The following UBE2E2 variants were observed in gnomAD, a reference collection of about 807,000 sequenced individuals.
UBE2E2 encodes the protein ubiquitin conjugating enzyme E2 E2.
A neutral mutation model predicts 24.7 loss-of-function variants in UBE2E2; 6 were observed. The ratio of observed to expected loss-of-function variants is 0.24; its 90% CI spans 0.13 to 0.48. The LOEUF (loss-of-function observed/expected upper bound fraction) is 0.48, where lower values mean the gene tolerates loss of function less well. Ranked by LOEUF, UBE2E2 falls within the 20% of genes least tolerant of loss-of-function variation. The pLI is 0.99. For synonymous variants in UBE2E2, 104 were observed against 83.6 expected (o/e 1.24, Z -1.33); for missense variants, 169 against 245.0 (o/e 0.69, Z 2.07).
intron 3 of UBE2E2, among the ~76,000 whole-genome samples, chr3:23,427,990 C>T (rs914399051): frequency 6.6e-6 from 1 of 152,120 alleles, no homozygotes; most frequent in Non-Finnish European, 1.5e-5. Flanking sequence ...TTCAGGACCC[C>T]CTCTATCAGA....
chr3:23,484,987 A>T (rs1471096363), intron 3 of UBE2E2, among the ~76,000 whole-genome samples: 2 of 152,160 alleles, frequency 1.3e-5, no homozygotes. Flanking sequence ...GTAACTACTG[A>T]AAATAAGTCT....
chr3:23,327,165 T>G (rs1694923447), intron 3 of UBE2E2, among the ~76,000 whole-genome samples: 4 of 152,194 alleles, frequency 2.6e-5, no homozygotes, highest in Admixed American at 2.6e-4. Context: ...GCAGCATGAT[T>G]TATAATCCTT....
intron 4 of UBE2E2, among the ~76,000 whole-genome samples, chr3:23,522,602 CCT>C (rs1694895553): frequency 6.6e-6 from 1 of 151,772 alleles, no homozygotes; most frequent in Non-Finnish European, 1.5e-5. Context: ...GAGAAGGAAA[CCT>C]CTATATGCAT....
chr3:23,524,865 GACAC>G lies in UBE2E2; in HGVS notation c.361-7664_361-7661del, dbSNP rs59806964. Among the ~76,000 whole-genome samples, 97 of 147,514 alleles carry G rather than the reference GACAC, an allele frequency of 6.6e-4. 1 individual carries two copies. The highest frequency in any genetic ancestry group is 2.8e-3 in the South Asian group (13 of 4,618). On this transcript the variant is annotated intron_variant, in intron 4 of 5. Transcript: ENST00000396703. ...AGATACAGATACACACAGACACACA[GACAC>G]ACACACACACACACACACACACACG...
At chr3:23,429,202 G>T (rs1697999520) in intron 3 of UBE2E2, among the ~76,000 whole-genome samples, 1 of 152,088 alleles carries the variant, frequency 6.6e-6, no homozygotes, top group South Asian at 2.1e-4. Flanking sequence ...AGTGAATTCT[G>T]TACATTAAAG....
intron 3 of UBE2E2, among the ~76,000 whole-genome samples, chr3:23,469,042 T>G (rs1006955574): frequency 7.9e-5 from 12 of 152,192 alleles, no homozygotes; most frequent in Non-Finnish European, 1.5e-5. Context: ...CAAAGTACCA[T>G]GGACTGAGTG....
At chr3:23,441,010 C>T (rs967168269) in intron 3 of UBE2E2, among the ~76,000 whole-genome samples, 1 of 152,128 alleles carries the variant, frequency 6.6e-6, no homozygotes, top group African/African-American at 2.4e-5. Flanking sequence ...TTGCCACTGA[C>T]ATTTTAGTTA....
chr3:23,553,626 T>C (rs560575660), intron 5 of UBE2E2, among the ~76,000 whole-genome samples: 2 of 152,314 alleles, frequency 1.3e-5, no homozygotes, highest in East Asian at 1.9e-4. Flanking sequence ...ACAATAGTTA[T>C]TTGCATTTTT....
intron 3 of UBE2E2, among the ~76,000 whole-genome samples, chr3:23,486,239 G>C (rs1699367432): frequency 6.6e-6 from 1 of 152,148 alleles, no homozygotes; most frequent in South Asian, 2.1e-4. Context: ...ACAGGTGCCA[G>C]CTCCGTGCAA....
intron 5 of UBE2E2, among the ~76,000 whole-genome samples, chr3:23,553,271 A>G (rs1472336221): frequency 1.3e-5 from 2 of 152,110 alleles, no homozygotes; most frequent in Non-Finnish European, 2.9e-5. Flanking sequence ...AAAATGCTAT[A>G]TTAAGAATCA....
intron 2 of UBE2E2, among the ~76,000 whole-genome samples, chr3:23,214,441 G>A (rs1251022481): frequency 6.6e-6 from 1 of 151,712 alleles, no homozygotes; most frequent in Non-Finnish European, 1.5e-5. Flanking sequence ...TTTTGTAGAG[G>A]AGTCTCACTG....
intron 2 of UBE2E2, among the ~76,000 whole-genome samples, chr3:23,215,797 G>T (rs1446885787): frequency 1.3e-5 from 2 of 152,180 alleles, no homozygotes; most frequent in Admixed American, 6.6e-5. Context: ...GTGAAAGTGT[G>T]TGTGCCTAGT....
intron 3 of UBE2E2, among the ~76,000 whole-genome samples, chr3:23,260,957 C>T (rs912932289): frequency 3.3e-5 from 5 of 151,870 alleles, no homozygotes; most frequent in Non-Finnish European, 5.9e-5. Flanking sequence ...ACAAAAATTA[C>T]CTGGGCGTGG....
chr3:23,528,468 C>A (rs1308043278), intron 4 of UBE2E2, among the ~76,000 whole-genome samples: 1 of 150,520 alleles, frequency 6.6e-6, no homozygotes, highest in African/African-American at 2.5e-5. Flanking sequence ...GCCAGCAGCA[C>A]CCCGAGAGTG....
chr3:23,551,561 T>A (rs887238924), intron 5 of UBE2E2, among the ~76,000 whole-genome samples: 1 of 152,186 alleles, frequency 6.6e-6, no homozygotes, highest in Non-Finnish European at 1.5e-5. Flanking sequence ...TCTAAAGAAA[T>A]GTGAGTGGGA....
chr3:23,237,941 T>G (rs1329096084), intron 3 of UBE2E2, among the ~76,000 whole-genome samples: 1 of 152,176 alleles, frequency 6.6e-6, no homozygotes, highest in Non-Finnish European at 1.5e-5. Flanking sequence ...AGGGGAAATT[T>G]TTTTTTAGTG....
intron 3 of UBE2E2, among the ~76,000 whole-genome samples, chr3:23,263,459 C>A (rs1697956868): frequency 6.6e-6 from 1 of 152,116 alleles, no homozygotes; most frequent in Admixed American, 6.5e-5. Flanking sequence ...TTGATACTTA[C>A]CTATTCTGAC....
chr3:23,227,292 A>G (rs1277253033), intron 3 of UBE2E2, among the ~76,000 whole-genome samples: 1 of 151,940 alleles, frequency 6.6e-6, no homozygotes, highest in Non-Finnish European at 1.5e-5. Context: ...TGATTTTTCT[A>G]CCCTTTTCCC....
At position 23,537,775 on chromosome 3, in the gene UBE2E2, T is replaced by A. The variant is rs534600442; in HGVS notation, c.508+5074T>A. 7.2e-5 allele frequency among the ~76,000 whole-genome samples: 11 copies of A among 152,336 alleles called. No homozygotes were observed. In the South Asian group the frequency reaches 2.1e-3, roughly 29 times the overall value. The stretch of plus-strand genomic sequence containing the variant: ...TGTTATTAATTGCTTATCTTTGGAT[T>A]AGTTATGATTAGGTAGTAAATTGTG... On this transcript the variant is annotated intron_variant, in intron 5 of 5. Coordinates refer to ENST00000396703, the MANE Select transcript of UBE2E2 (RefSeq NM_152653.4).
Sources: allele counts gnomAD v4.1 joint callset (sites outside exome capture counted in the v4.1 genomes callset), GRCh38; gene constraint gnomAD v4.1.1; transcripts MANE v1.5; gene names NCBI Gene and HGNC (gene_info 2026-07-23, HGNC 2026-07-21).